EGFR: variants seen among roughly 807,000 people sequenced by gnomAD.
EGFR encodes the protein avian erythroblastic leukemia viral (v-erb-b) oncogene homolog.
Under a neutral mutation model 143.0 loss-of-function variants are expected in EGFR, and 58 were observed. The observed-to-expected ratio is 0.41, with a 90% confidence interval of 0.33 to 0.50. The LOEUF is 0.50. Ranked by LOEUF, EGFR falls within the 20% of genes least tolerant of loss-of-function variation. The probability of loss-of-function intolerance (pLI) is 0.39; values close to 1 mark genes in which losing one functional copy is unlikely to be tolerated. For synonymous variants in EGFR, 613 were observed against 594.4 expected (o/e 1.03, Z -0.45); for missense variants, 1,307 against 1,579.0 (o/e 0.83, Z 2.92).
Position 55,019,179 on chromosome 7 carries a change from T to TC in EGFR, c.-95dup. ...GCCACCTCGTCGGCGTCCGCCCGAG[T>TC]CCCCGCCTCGCCGCCAACGCCACAA... On this transcript the variant is annotated 5_prime_UTR_variant, in exon 1 of 28. Transcript: ENST00000275493. 9.9e-7 allele frequency: 1 copy of TC among 1,012,010 alleles called. No individual in the cohort carries two copies. Among genetic ancestry groups the TC allele is most frequent in the Non-Finnish European group, 1.4e-6 (1 of 719,618 alleles). 62.7% of individuals were successfully genotyped at this position (1,012,010 alleles called of 1,614,324 possible).
chr7:55,099,639 G>C (rs1488106333), intron 1 of EGFR, among the ~76,000 whole-genome samples: 1 of 152,180 alleles, frequency 6.6e-6, no homozygotes, highest in African/African-American at 2.4e-5. Flanking sequence ...GCGTCCAGCT[G>C]TGTCCACCTG....
At chr7:55,149,733 C>A (rs1161707941) in intron 4 of EGFR, among the ~76,000 whole-genome samples, 2 of 152,046 alleles carry the variant, frequency 1.3e-5, no homozygotes, top group African/African-American at 4.8e-5. Context: ...TATTCTTATA[C>A]AAGAATTCCT....
At chr7:55,166,170 A>C (rs9649769) in intron 15 of EGFR, 131,695 of 463,446 alleles carry the variant, frequency 0.28, 21,504 homozygotes, top group East Asian at 0.62. Context: ...AAAACAAAAA[A>C]AAAAGCTACT....
At chr7:55,144,838 A>G (rs1161528519) in intron 3 of EGFR, among the ~76,000 whole-genome samples, 1 of 152,098 alleles carries the variant, frequency 6.6e-6, no homozygotes, top group East Asian at 1.9e-4. Flanking sequence ...TCGGGAGCAC[A>G]TTCTCCAATC....
chr7:55,063,582 A>C (rs1789323722), intron 1 of EGFR, among the ~76,000 whole-genome samples: 1 of 152,246 alleles, frequency 6.6e-6, no homozygotes, highest in Non-Finnish European at 1.5e-5. Flanking sequence ...TACCATCAGC[A>C]CACGCAGTTT....
intron 20 of EGFR, among the ~76,000 whole-genome samples, chr7:55,182,995 A>G (rs1184310245): frequency 6.6e-6 from 1 of 152,184 alleles, no homozygotes; most frequent in Non-Finnish European, 1.5e-5. Context: ...AACATAGCAC[A>G]GCTTTATTCC....
intron 1 of EGFR, among the ~76,000 whole-genome samples, chr7:55,044,224 T>C (rs2128870779): frequency 6.6e-6 from 1 of 152,352 alleles, no homozygotes; most frequent in Non-Finnish European, 1.5e-5. Context: ...GAAACCAGCT[T>C]GTTCTAACCC....
chr7:55,019,619 G>T (rs1041692015), intron 1 of EGFR, among the ~76,000 whole-genome samples: 8 of 152,152 alleles, frequency 5.3e-5, no homozygotes, highest in African/African-American at 1.9e-4. Flanking sequence ...GGCGGGGAAC[G>T]GCCGCCGGGA....
chr7:55,050,771 C>T (rs1788443339), intron 1 of EGFR, among the ~76,000 whole-genome samples: 1 of 152,174 alleles, frequency 6.6e-6, no homozygotes. Context: ...GAGCATGAGC[C>T]TTCCATCATC....
chr7:55,137,517 G>C (rs564078332), intron 1 of EGFR, among the ~76,000 whole-genome samples: 2 of 152,280 alleles, frequency 1.3e-5, no homozygotes, highest in East Asian at 3.9e-4. Flanking sequence ...AAACTTAAAG[G>C]AGGCAGATTG....
rs2128968703 is a variant in EGFR at position 55,198,759 on chromosome 7, A to G, written c.2744A>G (p.Tyr915Cys). Reference protein sequence around the residue: ...WELMTFGSKPYDGIPASEISS... With the variant: ...WELMTFGSKPCDGIPASEISS... ...TTGATGACCTTTGGATCCAAGCCATATGACGGAATCCCTGCCAGCGAGATC... is the reference window on the plus strand; with the variant it reads ...TTGATGACCTTTGGATCCAAGCCATGTGACGGAATCCCTGCCAGCGAGATC... The change falls in exon 23 of 28, where the codon TAT becomes TGT. Residue 915 changes from tyrosine to cysteine, a missense_variant. This residue lies in a region of EGFR where 348 missense variants were observed against 451.5 expected (regional missense o/e 0.77). Transcript: ENST00000275493. 1 of 1,614,150 alleles carries G rather than the reference A, an allele frequency of 6.2e-7. No homozygotes were observed. Among genetic ancestry groups the G allele is most frequent in the Non-Finnish European group, 8.5e-7 (1 of 1,180,030 alleles).
chr7:55,205,538 G>A lies in EGFR; in HGVS notation c.3554G>A (p.Gly1185Asp), dbSNP rs746585833. 6.2e-7 allele frequency: 1 copy of A among 1,614,182 alleles called. No homozygotes were observed. Among genetic ancestry groups the A allele is most frequent in the Non-Finnish European group, 8.5e-7 (1 of 1,180,032 alleles). The part of the protein sequence containing the change: ...DFFPKEAKPN[G>D]IFKGSTAENA... ...TTTCCCAAGGAAGCCAAGCCAAATGGCATCTTTAAGGGCTCCACAGCTGAA... is the reference window on the plus strand; with the variant it reads ...TTTCCCAAGGAAGCCAAGCCAAATGACATCTTTAAGGGCTCCACAGCTGAA... Residue 1185 changes from glycine to aspartate, a missense_variant, in exon 28 of 28, where the codon GGC becomes GAC. By Grantham distance (94) the Gly-to-Asp change is moderately conservative. Coordinates refer to ENST00000275493, the MANE Select transcript of EGFR (RefSeq NM_005228.5).
At position 55,207,615 on chromosome 7, in the gene EGFR, T is replaced by A; in HGVS notation, c.*1998T>A. ...GACCAGGTCTCAGTCAGCGGGGAGG[T>A]GGAAAGTGCAGGTGCATCAGGGGCA... On this transcript the variant is annotated 3_prime_UTR_variant, in exon 28 of 28. Transcript: ENST00000275493. The A allele has an allele frequency of 6.2e-6, 1 of 161,100 alleles. No homozygotes were observed. The allele number at this position is 161,100 out of a possible 1,614,324, so 10.0% of individuals were successfully genotyped here.
At chr7:55,061,496 T>C (rs1487319880) in intron 1 of EGFR, among the ~76,000 whole-genome samples, 6 of 152,168 alleles carry the variant, frequency 3.9e-5, no homozygotes, top group Non-Finnish European at 8.8e-5. Context: ...GCTCTCCTCG[T>C]CTCACACCTC....
chr7:55,080,952 G>T (rs916716451), intron 1 of EGFR, among the ~76,000 whole-genome samples: 1 of 152,154 alleles, frequency 6.6e-6, no homozygotes, highest in Admixed American at 6.5e-5. Context: ...TTATCAGGAC[G>T]TATGGGTGCC....
At chr7:55,029,006 A>C (rs1034320714) in intron 1 of EGFR, among the ~76,000 whole-genome samples, 1 of 152,110 alleles carries the variant, frequency 6.6e-6, no homozygotes, top group African/African-American at 2.4e-5. Flanking sequence ...AAAATACAAA[A>C]AAAACAGCTG....
At chr7:55,071,089 C>G (rs912584520) in intron 1 of EGFR, among the ~76,000 whole-genome samples, 4 of 152,188 alleles carry the variant, frequency 2.6e-5, no homozygotes, top group African/African-American at 4.8e-5. Context: ...TCTGTGGCTC[C>G]GGTGTCTCAG....
chr7:55,153,617 A>G (rs1785263696), intron 6 of EGFR, among the ~76,000 whole-genome samples: 1 of 152,206 alleles, frequency 6.6e-6, no homozygotes, highest in Non-Finnish European at 1.5e-5. Context: ...TCTGCCATTC[A>G]GCAATACATT....
intron 1 of EGFR, among the ~76,000 whole-genome samples, chr7:55,028,714 C>G (rs1411083276): frequency 1.3e-5 from 2 of 152,102 alleles, no homozygotes; most frequent in Admixed American, 1.3e-4. Context: ...CTTGCAAGAT[C>G]TAATGGCTCC....
Sources: gnomAD v4.1 joint callset for allele counts (sites outside exome capture counted in the v4.1 genomes callset) on GRCh38, gnomAD v4.1.1 for gene constraint, gnomAD v4.1.1 regional missense constraint, MANE v1.5 for transcripts, NCBI Gene and HGNC (gene_info 2026-07-23, HGNC 2026-07-21) for gene names.